Variants in PALLD observed in about 807,000 individuals in gnomAD.
PALLD encodes palladin, cytoskeletal associated protein.
Under a neutral mutation model 123.5 loss-of-function variants are expected in PALLD, and 61 were observed. The observed-to-expected ratio is 0.49, with a 90% CI of 0.40 to 0.61. The LOEUF is 0.61. Ranked by LOEUF, PALLD falls within the 20% of genes least tolerant of loss-of-function variation. The pLI, the probability that PALLD is intolerant of heterozygous loss-of-function variation, is 0.00. For missense variants in PALLD, 1,273 were observed against 1,377.0 expected, an observed-to-expected ratio of 0.92 and a Z score of 1.20; for synonymous variants, 465 against 496.4, an observed-to-expected ratio of 0.94 and a Z score of 0.84.
intron 2 of PALLD, among the ~76,000 whole-genome samples, chr4:168,539,597 A>C (rs926596019): frequency 2.0e-5 from 3 of 150,844 alleles, no homozygotes; most frequent in Middle Eastern, 3.2e-3. Context: ...ATAAATAAAT[A>C]AATAAATAAA....
rs150764613 is a variant in PALLD at position 168,898,656 on chromosome 4, T to G, written c.2414T>G (p.Ile805Ser). 3.8e-5 allele frequency: 61 copies of G among 1,614,036 alleles called. No individual in the cohort carries two copies. In the Admixed American group the frequency reaches 4.5e-4, roughly 12 times the overall value. ...FFEMKLKHYK[I>S]FEGMPVTFTC... ...GAGATGAAGCTGAAACATTACAAGA[T>G]CTTTGAGGGAATGCCAGTAACTTTC... Residue 805 changes from isoleucine (I) to serine (S), a missense_variant, in exon 14 of 22, where the codon ATC becomes AGC. Coordinates refer to ENST00000505667, the MANE Select transcript of PALLD (RefSeq NM_001166108.2).
chr4:168,785,058 CTTTTTTTTTTTTTTT>C (rs746597278), intron 10 of PALLD, among the ~76,000 whole-genome samples: 99 of 84,796 alleles, frequency 1.2e-3, no homozygotes, highest in East Asian at 2.2e-3. Context: ...CTCCCTTTTG[CTTTTTTTTTTTTTTT>C]TTTTTTTTTT....
In PALLD at chr4:168,796,168, A is replaced by G. The variant is rs185552032; in HGVS notation, c.1964+84245A>G. The stretch of plus-strand genomic sequence containing the variant: ...TTCATTCTTCTATTTTTTTGTACCC[A>G]TCAACCACCCTCACCTCCCACCTTG... On this transcript the variant is annotated intron_variant, in intron 10 of 21. Transcript: ENST00000505667. Among the ~76,000 whole-genome samples, 97 of 152,170 alleles carry G rather than the reference A, an allele frequency of 6.4e-4. 1 individual carries two copies. Among genetic ancestry groups the G allele is most frequent in the Admixed American group, 2.4e-3 (37 of 15,274 alleles).
In PALLD at chr4:168,672,519, C is replaced by T. The variant is rs185362425; in HGVS notation, c.1087+4151C>T. On this transcript the variant is annotated intron_variant, in intron 3 of 21. Coordinates refer to ENST00000505667, the MANE Select transcript of PALLD (RefSeq NM_001166108.2). ...TGTCACCCAGGCTGGAGTGCAGTGG[C>T]GCGATCTTGGCTCACTGCAAGCTCT... Among the ~76,000 whole-genome samples, 285 of 151,700 alleles carry T rather than the reference C, an allele frequency of 1.9e-3. 1 individual carries two copies. Among genetic ancestry groups the T allele is most frequent in the African/African-American group, 6.6e-3 (271 of 41,318 alleles).
chr4:168,904,464 G>A (rs921922229), intron 15 of PALLD, among the ~76,000 whole-genome samples: 3 of 152,130 alleles, frequency 2.0e-5, no homozygotes, highest in Admixed American at 6.5e-5. Context: ...AAAATCAGTT[G>A]CCTTCTTAGA....
chr4:168,578,816 A>G (rs1769924824), intron 2 of PALLD, among the ~76,000 whole-genome samples: 1 of 152,108 alleles, frequency 6.6e-6, no homozygotes, highest in Non-Finnish European at 1.5e-5. Context: ...GTGCTTAAAA[A>G]AAAACCTATA....
chr4:168,691,364 T>C, intron 8 of PALLD, 72 bp downstream of exon 8: 1 of 1,211,424 alleles, frequency 8.3e-7, no homozygotes, highest in East Asian at 2.3e-5. Context: ...GTCTCAATAG[T>C]TCTTTCTTTC....
chr4:168,878,158 GC>G, intron 10 of PALLD: 1 of 789,472 alleles, frequency 1.3e-6, no homozygotes, highest in Non-Finnish European at 1.7e-6. Flanking sequence ...CGTCGCCCCC[GC>G]CCCCGCCACC....
intron 10 of PALLD, among the ~76,000 whole-genome samples, chr4:168,725,201 T>A (rs772817295): frequency 1.3e-4 from 20 of 151,990 alleles, no homozygotes; most frequent in Non-Finnish European, 2.6e-4. Flanking sequence ...TGGAAAAGAG[T>A]AGGTGTAGCC....
rs535155432 is a variant in PALLD at position 168,878,257 on chromosome 4, G to C, written c.1965-12665G>C. On this transcript the variant is annotated intron_variant, in intron 10 of 21. Coordinates refer to ENST00000505667, the MANE Select transcript of PALLD (RefSeq NM_001166108.2). ...CACCGCCGCTCCCGAGCCCGGGACA[G>C]GCGTCCCACTGCTCGTCGCCTGCCA... 1,249 of 1,524,610 alleles carry C rather than the reference G, an allele frequency of 8.2e-4. 7 individuals are homozygous for C. In the Admixed American group the frequency reaches 8.9e-3, roughly 11 times the overall value. 94.4% of individuals were successfully genotyped at this position (1,524,610 alleles called of 1,614,324 possible).
chr4:168,779,580 T>C (rs1157961480), intron 10 of PALLD, among the ~76,000 whole-genome samples: 2 of 151,902 alleles, frequency 1.3e-5, no homozygotes, highest in South Asian at 4.1e-4. Flanking sequence ...TCTAAGATAG[T>C]CATGAACATA....
intron 2 of PALLD, among the ~76,000 whole-genome samples, chr4:168,581,890 G>A (rs1024319658): frequency 1.3e-5 from 2 of 151,986 alleles, no homozygotes; most frequent in Non-Finnish European, 2.9e-5. Flanking sequence ...ACAGTTTCAT[G>A]TCTTACATTT....
At chr4:168,549,265 C>A (rs1432170115) in intron 2 of PALLD, among the ~76,000 whole-genome samples, 2 of 144,958 alleles carry the variant, frequency 1.4e-5, no homozygotes, top group Admixed American at 6.9e-5. Flanking sequence ...TCACACTTCT[C>A]AAAAAAAAAA....
At chr4:168,578,722 A>C (rs1769914494) in intron 2 of PALLD, among the ~76,000 whole-genome samples, 1 of 152,108 alleles carries the variant, frequency 6.6e-6, no homozygotes, top group Non-Finnish European at 1.5e-5. Context: ...GAATAGACAG[A>C]TGATAGATGA....
chr4:168,898,426 G>C (rs1156906629), intron 13 of PALLD, 67 bp from the exon 14 acceptor site: 3 of 972,340 alleles, frequency 3.1e-6, no homozygotes, highest in Middle Eastern at 2.9e-4. Flanking sequence ...TTATTGGGGG[G>C]CAGGGAGAGA....
At chr4:168,567,928 A>G (rs988180286) in intron 2 of PALLD, among the ~76,000 whole-genome samples, 1 of 152,066 alleles carries the variant, frequency 6.6e-6, no homozygotes, top group African/African-American at 2.4e-5. Flanking sequence ...CTACATTTGT[A>G]TCCCCTAAAT....
At position 168,600,030 on chromosome 4, in the gene PALLD, C is replaced by CACACAT. The variant is rs1561290979; in HGVS notation, c.909-68159_909-68158insCACATA. On this transcript the variant is annotated intron_variant, in intron 2 of 21. Transcript: ENST00000505667. ...ATATACATACATGTGTGTACACACA[C>CACACAT]ATACATACATGTGTATACACACATA... is the stretch of plus-strand genomic sequence containing the variant. Among the ~76,000 whole-genome samples, 567 of 144,814 alleles carry CACACAT rather than the reference C, an allele frequency of 3.9e-3. 6 individuals are homozygous for CACACAT. The highest frequency in any genetic ancestry group is 0.014 in the African/African-American group (534 of 37,640).
chr4:168,890,857 G>A, intron 10 of PALLD, 65 bp from the exon 11 acceptor site: 1 of 1,559,274 alleles, frequency 6.4e-7, no homozygotes, highest in Non-Finnish European at 8.8e-7. Flanking sequence ...TGTTGGACTT[G>A]AACGTTTGAC....
At chr4:168,774,065 C>G (rs1370297113) in intron 10 of PALLD, among the ~76,000 whole-genome samples, 4 of 141,578 alleles carry the variant, frequency 2.8e-5, no homozygotes, top group Non-Finnish European at 6.1e-5. Context: ...ACTGTTTTCT[C>G]TCTCTTTTTT....
Sources: gnomAD v4.1 joint callset for allele counts (sites outside exome capture counted in the v4.1 genomes callset) on GRCh38, gnomAD v4.1.1 for gene constraint, MANE v1.5 for transcripts, NCBI Gene and HGNC (gene_info 2026-07-23, HGNC 2026-07-21) for gene names.